The following SMYD3 variants were observed in gnomAD, a reference collection of about 807,000 sequenced individuals.
SMYD3 encodes the protein SET and MYND domain containing 3, also known as histone-lysine N-methyltransferase SMYD3.
SMYD3 carries 36 observed loss-of-function variants against 57.7 expected under a neutral mutation model. The observed-to-expected ratio is 0.62, with a 90% confidence interval of 0.48 to 0.82. The LOEUF (loss-of-function observed/expected upper bound fraction) is 0.82, where lower values mean the gene tolerates loss of function less well. SMYD3 is among the 40% of genes least tolerant of loss of function. The pLI, the probability that SMYD3 is intolerant of heterozygous loss-of-function variation, is 0.00. For synonymous variants in SMYD3, 211 were observed against 195.0 expected (o/e 1.08, Z -0.68); for missense variants, 515 against 538.8 (o/e 0.96, Z 0.44).
intron 1 of SMYD3, among the ~76,000 whole-genome samples, chr1:246,480,833 C>T (rs753998343): frequency 6.6e-6 from 1 of 151,860 alleles, no homozygotes; most frequent in Non-Finnish European, 1.5e-5. Context: ...CTTGCTCTGT[C>T]ACCCAGGCTG....
At chr1:245,823,724 C>G in intron 10 of SMYD3, among the ~76,000 whole-genome samples, 1 of 152,220 alleles carries the variant, frequency 6.6e-6, no homozygotes, top group East Asian at 1.9e-4. Context: ...TTTCTGCTCT[C>G]TCATTGGGCA....
chr1:246,501,260 C>T (rs957933952), intron 1 of SMYD3, among the ~76,000 whole-genome samples: 2 of 152,244 alleles, frequency 1.3e-5, no homozygotes, highest in African/African-American at 4.8e-5. Context: ...CTAGCCTCTT[C>T]TACTCTACTG....
intron 10 of SMYD3, among the ~76,000 whole-genome samples, chr1:245,803,533 T>G (rs1054922307): frequency 9.9e-5 from 15 of 152,270 alleles, no homozygotes; most frequent in African/African-American, 3.6e-4. Context: ...TTCTACAGGT[T>G]TTTCTCTGAG....
At chr1:246,209,162 C>T (rs1361669799) in intron 5 of SMYD3, among the ~76,000 whole-genome samples, 1 of 152,132 alleles carries the variant, frequency 6.6e-6, no homozygotes, top group Non-Finnish European at 1.5e-5. Flanking sequence ...TAATTTTCTT[C>T]ATATTGTGTC....
At chr1:246,291,990 C>G (rs1290485709) in intron 5 of SMYD3, among the ~76,000 whole-genome samples, 1 of 151,722 alleles carries the variant, frequency 6.6e-6, no homozygotes, top group African/African-American at 2.4e-5. Context: ...TCCAACACAC[C>G]AGCATCTTAG....
chr1:246,156,751 C>T lies in SMYD3; in HGVS notation c.531+170450G>A, dbSNP rs1227803398. Among the ~76,000 whole-genome samples, 5 of 152,112 alleles carry T rather than the reference C, an allele frequency of 3.3e-5. 1 individual carries two copies. Among genetic ancestry groups the T allele is most frequent in the Admixed American group, 2.6e-4 (4 of 15,270 alleles). On this transcript the variant is annotated intron_variant, in intron 5 of 11. Coordinates refer to ENST00000490107, the MANE Select transcript of SMYD3 (RefSeq NM_001167740.2). Reference sequence around the variant, plus strand: ...GAAAACGGGCACCTTAATCAGACTACGAAAGGGAGAGTCACAGAATGCTTT... The same window carrying T: ...GAAAACGGGCACCTTAATCAGACTATGAAAGGGAGAGTCACAGAATGCTTT...
At chr1:245,822,116 T>A (rs1355746773) in intron 10 of SMYD3, among the ~76,000 whole-genome samples, 1 of 152,116 alleles carries the variant, frequency 6.6e-6, no homozygotes, top group Non-Finnish European at 1.5e-5. Flanking sequence ...ATTGCGGCAT[T>A]ATTCACAATA....
At chr1:246,506,994 C>CCCCA in intron 1 of SMYD3, 60 bp downstream of exon 1, 1 of 894,062 alleles carries the variant, frequency 1.1e-6, no homozygotes, top group Non-Finnish European at 1.5e-6. Flanking sequence ...CCGACGCCCC[C>CCCCA]CCCTCCCCAG....
chr1:246,397,817 G>A (rs2066697436), intron 1 of SMYD3, among the ~76,000 whole-genome samples: 1 of 151,964 alleles, frequency 6.6e-6, no homozygotes, highest in Non-Finnish European at 1.5e-5. Flanking sequence ...AATGGGGAAT[G>A]CTGACTGGTT....
intron 11 of SMYD3, among the ~76,000 whole-genome samples, chr1:245,751,775 G>A (rs1173497516): frequency 2.0e-5 from 3 of 152,190 alleles, no homozygotes; most frequent in African/African-American, 4.8e-5. Context: ...GGCTGGAGCT[G>A]AGATGCTGGC....
chr1:245,919,570 G>A (rs2055710307), intron 7 of SMYD3, among the ~76,000 whole-genome samples: 1 of 152,116 alleles, frequency 6.6e-6, no homozygotes, highest in Non-Finnish European at 1.5e-5. Flanking sequence ...TATCAATTGT[G>A]AAGTGCTTAA....
chr1:246,147,760 G>A (rs899186752), intron 5 of SMYD3, among the ~76,000 whole-genome samples: 12 of 152,036 alleles, frequency 7.9e-5, no homozygotes, highest in African/African-American at 1.7e-4. Flanking sequence ...TCCCTGCTGC[G>A]GCTGCAGACC....
intron 8 of SMYD3, among the ~76,000 whole-genome samples, chr1:245,897,545 A>C (rs1217296423): frequency 1.3e-5 from 2 of 152,194 alleles, no homozygotes; most frequent in Non-Finnish European, 2.9e-5. Context: ...ACCATCAAAG[A>C]GATATGATCT....
At chr1:246,468,782 A>C (rs1414933235) in intron 1 of SMYD3, among the ~76,000 whole-genome samples, 1 of 152,104 alleles carries the variant, frequency 6.6e-6, no homozygotes, top group Non-Finnish European at 1.5e-5. Context: ...TTAAGACCAG[A>C]CTAGACAACA....
At chr1:246,234,094 A>C (rs12143969) in intron 5 of SMYD3, among the ~76,000 whole-genome samples, 1 of 138,130 alleles carries the variant, frequency 7.2e-6, no homozygotes, top group Non-Finnish European at 1.6e-5. Flanking sequence ...CACTGTGATG[A>C]ACATATACCA....
chr1:245,785,454 C>T (rs943649701), intron 10 of SMYD3, among the ~76,000 whole-genome samples: 5 of 152,254 alleles, frequency 3.3e-5, no homozygotes, highest in Middle Eastern at 3.4e-3. Flanking sequence ...AGATGCAATA[C>T]TGTGCCTTTC....
chr1:246,232,105 G>C (rs549944996), intron 5 of SMYD3, among the ~76,000 whole-genome samples: 2 of 152,258 alleles, frequency 1.3e-5, no homozygotes, highest in East Asian at 3.9e-4. Context: ...CATACATTGA[G>C]ATTCGGGAAT....
chr1:245,978,882 T>A (rs1261537980), intron 5 of SMYD3, among the ~76,000 whole-genome samples: 2 of 152,154 alleles, frequency 1.3e-5, no homozygotes. Context: ...ACCTTATTGA[T>A]AATGAATTTC....
At chr1:246,108,144 G>T (rs960549486) in intron 5 of SMYD3, among the ~76,000 whole-genome samples, 10 of 152,142 alleles carry the variant, frequency 6.6e-5, no homozygotes, top group Non-Finnish European at 1.2e-4. Flanking sequence ...TTCGAAAGAG[G>T]AATTCTTAAG....
Sources: allele counts gnomAD v4.1 joint callset (sites outside exome capture counted in the v4.1 genomes callset), GRCh38; gene constraint gnomAD v4.1.1; transcripts MANE v1.5; gene names NCBI Gene and HGNC (gene_info 2026-07-23, HGNC 2026-07-21).